MAPRE2: variants seen among roughly 807,000 people sequenced by gnomAD.
MAPRE2 encodes the protein microtubule-associated protein RP/EB family member 2.
In MAPRE2, 13 loss-of-function variants were observed where a neutral mutation model predicts 43.2. The ratio of observed to expected loss-of-function variants is 0.30; its 90% CI spans 0.20 to 0.48. The LOEUF (loss-of-function observed/expected upper bound fraction) is 0.48. Ranked by LOEUF, MAPRE2 falls within the 20% of genes least tolerant of loss-of-function variation. The pLI, the probability that MAPRE2 is intolerant of heterozygous loss-of-function variation, is 0.99. For missense variants in MAPRE2, 161 were observed against 400.2 expected (o/e 0.40, Z 5.10); for synonymous variants, 135 against 148.8 (o/e 0.91, Z 0.68).
intron 4 of MAPRE2, among the ~76,000 whole-genome samples, chr18:35,103,388 G>A (rs1908766004): frequency 6.6e-6 from 1 of 152,122 alleles, no homozygotes; most frequent in African/African-American, 2.4e-5. Flanking sequence ...ACAACTGGAA[G>A]GATTTGGGGT....
At chr18:34,986,622 C>T (rs113071915) in intron 1 of MAPRE2, among the ~76,000 whole-genome samples, 2 of 151,974 alleles carry the variant, frequency 1.3e-5, no homozygotes, top group Non-Finnish European at 2.9e-5. Context: ...CAGTAATAAC[C>T]AAGTGTGTGA....
intron 1 of MAPRE2, among the ~76,000 whole-genome samples, chr18:34,994,444 G>T (rs1465256338): frequency 6.6e-6 from 1 of 150,938 alleles, no homozygotes; most frequent in African/African-American, 2.4e-5. Flanking sequence ...GAGAAATGAT[G>T]GTCAAACTGG....
At chr18:35,087,713 A>G (rs1907941678) in intron 2 of MAPRE2, among the ~76,000 whole-genome samples, 1 of 152,354 alleles carries the variant, frequency 6.6e-6, no homozygotes, top group East Asian at 1.9e-4. Context: ...ATAGGGGACC[A>G]AGACAAATAA....
upstream of MAPRE2, chr18:35,041,388 A>G (rs553595604): frequency 2.3e-3 from 3,415 of 1,490,376 alleles, 5 homozygotes; most frequent in Non-Finnish European, 2.6e-3. Context: ...GGGCCGCAGG[A>G]GGGCGGGGCG....
intron 1 of MAPRE2, among the ~76,000 whole-genome samples, chr18:35,043,619 A>G (rs919700613): frequency 2.6e-5 from 4 of 152,224 alleles, no homozygotes; most frequent in Non-Finnish European, 4.4e-5. Context: ...AAAAAACAAA[A>G]CTGAATTTTA....
At chr18:35,031,006 T>C (rs977357047) in intron 2 of MAPRE2, among the ~76,000 whole-genome samples, 1 of 152,216 alleles carries the variant, frequency 6.6e-6, no homozygotes, top group Admixed American at 6.5e-5. Flanking sequence ...AAGATTATCT[T>C]TTCAGGAATG....
In MAPRE2 at chr18:35,132,093, A is replaced by G; in HGVS notation, c.812A>G (p.Lys271Arg). ...VEKERDFYFGKLREIELLCQE... is the reference protein window; with the variant it reads ...VEKERDFYFGRLREIELLCQE... The stretch of plus-strand genomic sequence containing the variant: ...AAGGAAAGGGATTTCTACTTTGGGA[A>G]GTTGAGAGAGATCGAGCTACTCTGC... The change falls in exon 6 of 7, where the codon AAG (lysine) becomes AGG (arginine). Residue 271 changes from lysine (K) to arginine (R), a missense_variant. By Grantham distance (26) the Lys-to-Arg change is conservative (BLOSUM62 2). Coordinates refer to ENST00000300249, the MANE Select transcript of MAPRE2 (RefSeq NM_014268.4). 2 of 1,614,248 alleles carry G rather than the reference A, an allele frequency of 1.2e-6. No homozygotes were observed. Among genetic ancestry groups the G allele is most frequent in the Non-Finnish European group, 1.7e-6 (2 of 1,180,050 alleles).
intron 2 of MAPRE2, among the ~76,000 whole-genome samples, chr18:35,087,811 A>G (rs535507666): frequency 6.6e-6 from 1 of 152,348 alleles, no homozygotes; most frequent in Middle Eastern, 3.4e-3. Flanking sequence ...CTATAACAGA[A>G]TACTTCAAAC....
rs746437906 is a variant in MAPRE2, at chr18:35,097,620, G to A, written c.396+29G>A. On this transcript the variant is annotated intron_variant, in intron 3 of 6. Transcript: ENST00000300249. ...GGAGACTTGTACCTCCATAAAATGT[G>A]TTGTTTTTTCTTAAAATTGTTTTTG... 7 of 1,586,812 alleles carry A rather than the reference G, an allele frequency of 4.4e-6. No individual in the cohort carries two copies. The Admixed American group carries it at 1.1e-4, about 24-fold the overall frequency.
intron 2 of MAPRE2, among the ~76,000 whole-genome samples, chr18:35,023,092 G>T (rs273346): frequency 0.56 from 85,737 of 152,012 alleles, 25,065 homozygotes; most frequent in East Asian, 0.71. Context: ...ACAGAAATAA[G>T]TTTAAAAACA....
Position 35,041,506 on chromosome 18 carries a change from A to G in MAPRE2, c.-34A>G. 2 of 1,614,030 alleles carry G rather than the reference A, an allele frequency of 1.2e-6. No individual in the cohort carries two copies. On this transcript the variant is annotated 5_prime_UTR_variant, in exon 1 of 7. Coordinates refer to ENST00000300249, the MANE Select transcript of MAPRE2 (RefSeq NM_014268.4). ...AGCCACCTTCCTCACCAGCCAGCCC[A>G]CAGCGGTTTGTTCCCCTTCTCGGGA...
intron 2 of MAPRE2, among the ~76,000 whole-genome samples, chr18:35,080,110 A>G (rs1217023458): frequency 6.6e-6 from 1 of 152,258 alleles, no homozygotes; most frequent in African/African-American, 2.4e-5. Context: ...AATATTTATG[A>G]AGTTGAATTG....
Position 35,041,675 on chromosome 18 carries a change from C to T in MAPRE2, c.122+14C>T. On this transcript the variant is annotated intron_variant, in intron 1 of 6. Transcript: ENST00000300249. ...GCGTTCCTACAGGTAATGGGGCTGGCACGAGAGCAGCGCCGGGGACCGCCG... is the reference window on the plus strand; with the variant it reads ...GCGTTCCTACAGGTAATGGGGCTGGTACGAGAGCAGCGCCGGGGACCGCCG... 1.2e-6 allele frequency: 2 copies of T among 1,614,100 alleles called. No homozygotes were observed.
Position 35,114,936 on chromosome 18 carries a change from A to G in MAPRE2, c.611-12012A>G, listed in dbSNP as rs147359586. Among the ~76,000 whole-genome samples, 467 of 152,334 alleles carry G rather than the reference A, an allele frequency of 3.1e-3. 1 individual carries two copies. Among genetic ancestry groups the G allele is most frequent in the African/African-American group, 0.011 (457 of 41,570 alleles). On this transcript the variant is annotated intron_variant, in intron 4 of 6. Coordinates refer to ENST00000300249, the MANE Select transcript of MAPRE2 (RefSeq NM_014268.4). ...TGTAAACCTCGCCAGGCCACACAAG[A>G]CAGTGACTTAGGATTCATTCTTAGT...
chr18:35,103,597 A>G lies in MAPRE2; in HGVS notation c.610+1438A>G, dbSNP rs371522966. Among the ~76,000 whole-genome samples, 16 of 152,312 alleles carry G rather than the reference A, an allele frequency of 1.1e-4. No homozygotes were observed. In the East Asian group the frequency reaches 1.7e-3, roughly 17 times the overall value. ...AGATAAACATTTGTGATTCTTCCAC[A>G]TATTGATGTAATGGAAGCTGGAAGC... On this transcript the variant is annotated intron_variant, in intron 4 of 6. Coordinates refer to ENST00000300249, the MANE Select transcript of MAPRE2 (RefSeq NM_014268.4).
At chr18:35,062,485 T>G (rs1906582907) in intron 1 of MAPRE2, among the ~76,000 whole-genome samples, 1 of 152,240 alleles carries the variant, frequency 6.6e-6, no homozygotes, top group African/African-American at 2.4e-5. Context: ...GCATTTGAAA[T>G]AATGCACCTC....
chr18:35,049,738 A>T (rs1006874110), intron 1 of MAPRE2, among the ~76,000 whole-genome samples: 5 of 152,156 alleles, frequency 3.3e-5, no homozygotes, highest in Non-Finnish European at 7.4e-5. Flanking sequence ...TTTTGTGATT[A>T]TTGTGTTGAT....
At chr18:35,041,884 C>T (rs1603393057) in intron 1 of MAPRE2, 5 of 1,060,386 alleles carry the variant, frequency 4.7e-6, no homozygotes, top group Non-Finnish European at 6.5e-6. Context: ...GGTTTGCTGC[C>T]TTCGAGGGGT....
chr18:34,989,999 T>C (rs761317094), intron 1 of MAPRE2, among the ~76,000 whole-genome samples: 21 of 152,186 alleles, frequency 1.4e-4, no homozygotes, highest in Non-Finnish European at 7.3e-5. Context: ...TGGCAATCCA[T>C]TGAAGATTGC....
Sources: gnomAD v4.1 joint callset for allele counts (sites outside exome capture counted in the v4.1 genomes callset) on GRCh38, gnomAD v4.1.1 for gene constraint, MANE v1.5 for transcripts, NCBI Gene and HGNC (gene_info 2026-07-23, HGNC 2026-07-21) for gene names.